The following PGM1 variants were observed in gnomAD, a reference collection of about 807,000 sequenced individuals.
The protein encoded by PGM1 is phosphoglucomutase-1.
Under a neutral mutation model 55.6 loss-of-function variants are expected in PGM1, and 52 were observed. The observed-to-expected ratio is 0.94, with a 90% CI of 0.75 to 1.18. The LOEUF is 1.18. Ranked by LOEUF, PGM1 falls within the 50% of genes most tolerant of loss-of-function variation. PGM1 has a pLI of 0.00. For synonymous variants in PGM1, 287 were observed against 271.7 expected, an observed-to-expected ratio of 1.06 and a Z score of -0.55; for missense variants, 724 against 729.3, an observed-to-expected ratio of 0.99 and a Z score of 0.08.
In PGM1 at chr1:63,651,853, G is replaced by A. The variant is rs1335062631; in HGVS notation, c.1464+1G>A. The A allele has an allele frequency of 1.2e-6, 2 of 1,613,340 alleles. No individual in the cohort carries two copies. Among genetic ancestry groups the A allele is most frequent in the Non-Finnish European group, 1.7e-6 (2 of 1,179,302 alleles). On this transcript the variant is annotated splice_donor_variant, in intron 9 of 10. Coordinates refer to ENST00000371084, the MANE Select transcript of PGM1 (RefSeq NM_002633.3). LOFTEE classifies it high-confidence loss of function. The stretch of plus-strand genomic sequence containing the variant: ...GGATGGAAGCATTTCAAGAAATCAG[G>A]TAGAAACAGACCGGTGTGTAAGTGA...
At chr1:63,620,718 A>G (rs1199965191) in intron 1 of PGM1, among the ~76,000 whole-genome samples, 2 of 152,226 alleles carry the variant, frequency 1.3e-5, no homozygotes, top group Non-Finnish European at 2.9e-5. Context: ...GCTGGGAGCG[A>G]AGGGGTTCAT....
intron 6 of PGM1, 134 bp downstream of exon 6, chr1:63,636,522 T>C: frequency 1.0e-6 from 1 of 981,018 alleles, no homozygotes; most frequent in Non-Finnish European, 1.6e-6. Context: ...TGAGCGATTC[T>C]TGTGTGAGGG....
At chr1:63,649,550 G>A (rs188639197) in intron 8 of PGM1, among the ~76,000 whole-genome samples, 1 of 152,292 alleles carries the variant, frequency 6.6e-6, no homozygotes, top group African/African-American at 2.4e-5. Context: ...GACCTCAGTT[G>A]CCTGTTCTAT....
chr1:63,631,603 A>G, intron 3 of PGM1, 54 bp from the exon 4 acceptor site: 1 of 1,559,142 alleles, frequency 6.4e-7, no homozygotes, highest in Non-Finnish European at 8.8e-7. Flanking sequence ...TCAGAATATA[A>G]TATTTCTAAA....
intron 7 of PGM1, among the ~76,000 whole-genome samples, chr1:63,643,471 C>A (rs1399589931): frequency 6.6e-6 from 1 of 152,190 alleles, no homozygotes; most frequent in African/African-American, 2.4e-5. Context: ...GTTCCAGGGG[C>A]AGTAATGAGG....
rs766886656 is a variant in PGM1 at position 63,630,044 on chromosome 1, G to A, written c.512G>A (p.Gly171Glu). 10 of 1,614,070 alleles carry A rather than the reference G, an allele frequency of 6.2e-6. No individual in the cohort carries two copies. The highest frequency in any genetic ancestry group is 8.5e-6 in the Non-Finnish European group (10 of 1,179,936). ...PDLKVDLGVL[G>E]KQQFDLENKF... is the part of the protein sequence containing the mutation. ...CTGAAAGTAGACCTTGGTGTTCTGG[G>A]AAAGCAGCAGTTTGACTTGGAAAAT... is the stretch of plus-strand genomic sequence containing the variant. Residue 171 changes from glycine to glutamate, a missense_variant, in exon 3 of 11, where the codon GGA (glycine) becomes GAA (glutamate). Around this residue, in one of 3 missense-constraint regions of PGM1, gnomAD observed 379 missense variants for 357.5 expected, o/e 1.06. Coordinates refer to ENST00000371084, the MANE Select transcript of PGM1 (RefSeq NM_002633.3).
intron 8 of PGM1, among the ~76,000 whole-genome samples, chr1:63,650,448 C>A (rs72922616): frequency 0.024 from 3,701 of 152,192 alleles, 138 homozygotes; most frequent in African/African-American, 0.085. Context: ...GTTGTAATTT[C>A]TTGTTGTTTA....
chr1:63,630,583 T>C (rs1383449606), intron 3 of PGM1, among the ~76,000 whole-genome samples: 1 of 152,188 alleles, frequency 6.6e-6, no homozygotes, highest in Non-Finnish European at 1.5e-5. Flanking sequence ...TTTGAATGAT[T>C]CGCAAGACTA....
intron 1 of PGM1, chr1:63,593,973 C>A: frequency 8.5e-7 from 1 of 1,183,312 alleles, no homozygotes; most frequent in Non-Finnish European, 1.0e-6. Context: ...CCCGGGGCGC[C>A]GGGAGGTGCG....
chr1:63,615,300 G>T (rs72920846), intron 1 of PGM1, among the ~76,000 whole-genome samples: 4,354 of 152,248 alleles, frequency 0.029, 186 homozygotes, highest in African/African-American at 0.098. Flanking sequence ...GGCATTGTGA[G>T]AAGCATTTCA....
intron 1 of PGM1, among the ~76,000 whole-genome samples, chr1:63,598,174 A>C (rs917598593): frequency 6.6e-6 from 1 of 152,126 alleles, no homozygotes; most frequent in Non-Finnish European, 1.5e-5. Context: ...GGGTTTCACC[A>C]AGTTGCCCAG....
intron 1 of PGM1, among the ~76,000 whole-genome samples, chr1:63,624,474 T>C (rs149957012): frequency 3.9e-5 from 6 of 152,354 alleles, no homozygotes; most frequent in Non-Finnish European, 7.4e-5. Context: ...AGGAATATTG[T>C]ACCAGAACGC....
chr1:63,600,528 C>G (rs777851742), intron 1 of PGM1, among the ~76,000 whole-genome samples: 2 of 151,988 alleles, frequency 1.3e-5, no homozygotes, highest in Non-Finnish European at 2.9e-5. Context: ...GTGGGGTTCT[C>G]GTTGAGCCTG....
At chr1:63,642,557 T>C (rs1009955374) in intron 7 of PGM1, among the ~76,000 whole-genome samples, 1 of 152,216 alleles carries the variant, frequency 6.6e-6, no homozygotes, top group African/African-American at 2.4e-5. Flanking sequence ...GTTGGGACTT[T>C]GAAAGTGAAG....
intron 1 of PGM1, among the ~76,000 whole-genome samples, chr1:63,615,585 C>T: frequency 1.4e-5 from 1 of 71,752 alleles, no homozygotes; most frequent in African/African-American, 6.5e-5. Flanking sequence ...TTTTTTGAGA[C>T]AGAGCCTTAC....
At chr1:63,629,263 A>G (rs1649122881) in intron 1 of PGM1, among the ~76,000 whole-genome samples, 162 bp from the exon 2 acceptor site, 1 of 152,202 alleles carries the variant, frequency 6.6e-6, no homozygotes, top group Non-Finnish European at 1.5e-5. Context: ...AATATGGTGG[A>G]GACATCCAAG....
In PGM1 at chr1:63,659,606, TTCC is replaced by T. The variant is rs764292915; in HGVS notation, c.1621_1623del (p.Ser541del). Reference sequence around the variant, plus strand: ...CTCAGGTCATGTTGGCCCCCCTTATTTCCATTGCTCTGAAAGTGTCCCAGCTGC... The same window carrying T: ...CTCAGGTCATGTTGGCCCCCCTTATTATTGCTCTGAAAGTGTCCCAGCTGC... On this transcript the variant is annotated inframe_deletion, in exon 11 of 11. Coordinates refer to ENST00000371084, the MANE Select transcript of PGM1 (RefSeq NM_002633.3). 6.2e-7 allele frequency: 1 copy of T among 1,613,956 alleles called. No homozygotes were observed. Among genetic ancestry groups the T allele is most frequent in the Non-Finnish European group, 8.5e-7 (1 of 1,179,922 alleles).
At position 63,631,773 on chromosome 1, in the gene PGM1, A is replaced by C. The variant is rs1259570523; in HGVS notation, c.673A>C (p.Met225Leu). 3 of 1,613,874 alleles carry C rather than the reference A, an allele frequency of 1.9e-6. No homozygotes were observed. The highest frequency in any genetic ancestry group is 3.3e-5 in the Admixed American group (2 of 60,020). The change falls in exon 4 of 11, where the codon ATG becomes CTG. Residue 225 changes from methionine to leucine, a missense_variant. Physicochemically the swap from Met to Leu is conservative, Grantham distance 15. This residue lies in a region of PGM1 where 379 missense variants were observed against 357.5 expected (regional missense o/e 1.06). Transcript: ENST00000371084. The part of the protein sequence containing the change: ...PNRLKIRIDA[M>L]HGVVGPYVKK... ...CCGACTGAAGATCCGTATTGATGCT[A>C]TGCATGGAGGTATACAATCATTTCT... is the stretch of plus-strand genomic sequence containing the variant.
chr1:63,599,723 CA>C (rs1050577073), intron 1 of PGM1, among the ~76,000 whole-genome samples: 1 of 152,080 alleles, frequency 6.6e-6, no homozygotes, highest in African/African-American at 2.4e-5. Flanking sequence ...CCTGTGAGGT[CA>C]AGGCTTCAGT....
Sources: gnomAD v4.1 joint callset for allele counts (sites outside exome capture counted in the v4.1 genomes callset) on GRCh38, gnomAD v4.1.1 for gene constraint, gnomAD v4.1.1 regional missense constraint, MANE v1.5 for transcripts, NCBI Gene and HGNC (gene_info 2026-07-23, HGNC 2026-07-21) for gene names.